Variants in TPO observed in about 807,000 individuals in gnomAD.
The protein encoded by TPO is thyroid peroxidase, also known as thyroid microsomal antigen.
In TPO, 78 loss-of-function variants were observed where a neutral mutation model predicts 96.9. The ratio of observed to expected loss-of-function variants is 0.81; its 90% confidence interval spans 0.67 to 0.97. TPO has a LOEUF of 0.97. Among genes scored for constraint, TPO ranks in the 50% least tolerant of loss-of-function variants. TPO has a pLI of 0.00. For synonymous variants in TPO, 547 were observed against 538.0 expected (o/e 1.02, Z -0.23); for missense variants, 1,252 against 1,274.8 (o/e 0.98, Z 0.27).
In TPO at chr2:1,530,798, C is replaced by A. The variant is rs1677955334; in HGVS notation, c.2619-9796C>A. 1.6e-5 allele frequency among the ~76,000 whole-genome samples: 2 copies of A among 124,420 alleles called. 1 individual carries two copies. The highest frequency in any genetic ancestry group is 3.3e-5 in the Non-Finnish European group (2 of 61,212). 81.6% of individuals were successfully genotyped at this position (124,420 alleles called of 152,430 possible). On this transcript the variant is annotated intron_variant, in intron 15 of 16. Transcript: ENST00000329066. ...CCCATGGGGGGCAACGTCCTCAAATCCCCCGACTGTGTGCAACCTCCTGAA... is the reference window on the plus strand; with the variant it reads ...CCCATGGGGGGCAACGTCCTCAAATACCCCGACTGTGTGCAACCTCCTGAA...
intron 9 of TPO, among the ~76,000 whole-genome samples, chr2:1,485,781 A>AT (rs1400772382): frequency 1.3e-5 from 2 of 151,904 alleles, no homozygotes; most frequent in African/African-American, 4.8e-5. Flanking sequence ...ATTGGTTTGC[A>AT]TTTTTTGTAG....
At chr2:1,523,160 CCA>C (rs1675556094) in intron 15 of TPO, among the ~76,000 whole-genome samples, 1 of 148,762 alleles carries the variant, frequency 6.7e-6, no homozygotes, top group Non-Finnish European at 1.5e-5. Context: ...CCAAAATCCC[CCA>C]CACTGTGTGC....
upstream of TPO, among the ~76,000 whole-genome samples, chr2:1,409,734 A>G (rs1662298928): frequency 2.0e-5 from 3 of 152,100 alleles, no homozygotes; most frequent in African/African-American, 7.2e-5. Context: ...GTCTCCTCTC[A>G]TCCATGTTCA....
chr2:1,422,930 C>A, intron 2 of TPO, 115 bp from the exon 3 acceptor site: 1 of 1,149,172 alleles, frequency 8.7e-7, no homozygotes, highest in Non-Finnish European at 1.3e-6. Flanking sequence ...GCCTGCCTGT[C>A]CCGGAAGCCA....
intron 10 of TPO, among the ~76,000 whole-genome samples, chr2:1,493,201 T>A (rs1271792998): frequency 1.3e-4 from 1 of 7,798 alleles, no homozygotes; most frequent in African/African-American, 3.5e-4. Context: ...TGTGTGTGTG[T>A]GAGTGGGTGG....
intron 15 of TPO, among the ~76,000 whole-genome samples, chr2:1,532,677 A>AT (rs76051059): frequency 1 from 10,587 of 10,624 alleles, 5,277 homozygotes; most frequent in Middle Eastern, 1. Flanking sequence ...ACTTCCTCAC[A>AT]ACCACCCACT....
chr2:1,407,035 G>T (rs994396736), intron 1 of TPO, among the ~76,000 whole-genome samples: 5 of 152,210 alleles, frequency 3.3e-5, no homozygotes, highest in Non-Finnish European at 7.3e-5. Flanking sequence ...CATTGATGGA[G>T]AAGTGAGGGA....
chr2:1,479,940 C>A (rs1399323298), intron 8 of TPO, among the ~76,000 whole-genome samples: 1 of 152,130 alleles, frequency 6.6e-6, no homozygotes, highest in African/African-American at 2.4e-5. Flanking sequence ...TGCCACCACT[C>A]CCAGCTGATT....
At chr2:1,489,431 C>T (rs1421546412) in intron 10 of TPO, among the ~76,000 whole-genome samples, 1 of 152,354 alleles carries the variant, frequency 6.6e-6, no homozygotes, top group African/African-American at 2.4e-5. Context: ...AACTGTGCCA[C>T]AGAGTGGGGG....
chr2:1,518,881 G>C (rs915414479), intron 15 of TPO, among the ~76,000 whole-genome samples: 1 of 152,200 alleles, frequency 6.6e-6, no homozygotes, highest in Admixed American at 6.5e-5. Flanking sequence ...ACCTCAGAAC[G>C]TAACCTTATT....
chr2:1,391,677 C>G (rs898435204), intron 1 of TPO, among the ~76,000 whole-genome samples: 2 of 152,068 alleles, frequency 1.3e-5, no homozygotes, highest in African/African-American at 4.8e-5. Context: ...TGTTTGTGTC[C>G]TCTTTTATTT....
At chr2:1,439,207 G>C (rs1665913085) in intron 5 of TPO, 1 of 230,338 alleles carries the variant, frequency 4.3e-6, no homozygotes, top group African/African-American at 2.2e-5. Context: ...GCTCCTGGGA[G>C]AATCTCTGCT....
chr2:1,540,794 G>C (rs778373858), intron 16 of TPO, 71 bp downstream of exon 16: 1 of 1,611,938 alleles, frequency 6.2e-7, no homozygotes, highest in Non-Finnish European at 8.5e-7. Context: ...TGTCGGAGCA[G>C]CTCTGCTGGG....
chr2:1,493,301 T>C (rs192848633), intron 10 of TPO, among the ~76,000 whole-genome samples: 1 of 150,882 alleles, frequency 6.6e-6, no homozygotes, highest in East Asian at 2.0e-4. Flanking sequence ...AGTTGCCCTG[T>C]AGAGGCAAGA....
intron 14 of TPO, among the ~76,000 whole-genome samples, chr2:1,510,054 G>C (rs1292939847): frequency 6.6e-6 from 1 of 152,118 alleles, no homozygotes; most frequent in Non-Finnish European, 1.5e-5. Context: ...TGTTTTATCA[G>C]CCTCTGGTTT....
chr2:1,459,512 C>T (rs924681830), intron 7 of TPO, among the ~76,000 whole-genome samples: 1 of 152,186 alleles, frequency 6.6e-6, no homozygotes, highest in Non-Finnish European at 1.5e-5. Flanking sequence ...CTCTAACATT[C>T]ATTCAATAAA....
Position 1,507,614 on chromosome 2 carries a change from G to T in TPO, c.2518+3535G>T, listed in dbSNP as rs562193546. On this transcript the variant is annotated intron_variant, in intron 14 of 16. Coordinates refer to ENST00000329066, the MANE Select transcript of TPO (RefSeq NM_001206744.2). ...AGGTCCTTCACATCCCTTGTAAGTT[G>T]GATTCCTAGGTATTTTATTCTCTTT... Among the ~76,000 whole-genome samples the T allele has an allele frequency of 3.9e-3, 587 of 152,048 alleles. 15 individuals carry two copies. The East Asian group carries it at 0.052, about 13-fold the overall frequency.
chr2:1,475,955 C>T (rs1669887683), intron 7 of TPO, among the ~76,000 whole-genome samples: 1 of 136,010 alleles, frequency 7.4e-6, no homozygotes, highest in South Asian at 2.4e-4. Flanking sequence ...TACATTCTTT[C>T]TGCTGCACCT....
chr2:1,375,629 A>G (rs1459905713), intron 1 of TPO, among the ~76,000 whole-genome samples: 1 of 152,132 alleles, frequency 6.6e-6, no homozygotes, highest in African/African-American at 2.4e-5. Flanking sequence ...CTGTTTGGGA[A>G]TAAAAGGGAG....
Sources: allele counts gnomAD v4.1 joint callset (sites outside exome capture counted in the v4.1 genomes callset), GRCh38; gene constraint gnomAD v4.1.1; transcripts MANE v1.5; gene names NCBI Gene and HGNC (gene_info 2026-07-23, HGNC 2026-07-21).